Variants in PDE4B observed in about 807,000 individuals in gnomAD.
PDE4B encodes the protein phosphodiesterase 4B.
A neutral mutation model predicts 82.2 loss-of-function variants in PDE4B; 20 were observed. That is an observed-to-expected ratio of 0.24 (90% CI 0.17 to 0.35). The LOEUF (loss-of-function observed/expected upper bound fraction) is 0.35, where lower values mean the gene tolerates loss of function less well. PDE4B is among the 10% of genes least tolerant of loss of function. The pLI is 1.00. For synonymous variants in PDE4B, 320 were observed against 318.9 expected (o/e 1.00, Z -0.04); for missense variants, 655 against 907.2 (o/e 0.72, Z 3.57).
chr1:66,280,782 T>A (rs1166774265), intron 7 of PDE4B, among the ~76,000 whole-genome samples: 2 of 152,142 alleles, frequency 1.3e-5, no homozygotes, highest in African/African-American at 4.8e-5. Context: ...CGTATTCCTA[T>A]GTTTCCGGTA....
chr1:66,003,877 C>T (rs979054399), intron 3 of PDE4B, among the ~76,000 whole-genome samples: 2 of 152,078 alleles, frequency 1.3e-5, no homozygotes, highest in Admixed American at 6.6e-5. Context: ...TGGGATTAAC[C>T]CTGGCTGTTG....
chr1:66,173,959 A>G (rs960286496), intron 3 of PDE4B, among the ~76,000 whole-genome samples: 13 of 151,932 alleles, frequency 8.6e-5, no homozygotes, highest in African/African-American at 2.7e-4. Context: ...GCTAATTTTC[A>G]TATTTTTGGT....
upstream of PDE4B, among the ~76,000 whole-genome samples, chr1:65,792,781 G>A (rs886739779): frequency 6.6e-6 from 1 of 152,004 alleles, no homozygotes; most frequent in East Asian, 2.0e-4. Flanking sequence ...CGGTCACATT[G>A]TTATTCCCCG....
At chr1:66,280,295 A>C (rs1656201986) in intron 7 of PDE4B, among the ~76,000 whole-genome samples, 1 of 152,260 alleles carries the variant, frequency 6.6e-6, no homozygotes, top group African/African-American at 2.4e-5. Flanking sequence ...CACCTGTTAA[A>C]TATTGGTGGC....
intron 1 of PDE4B, among the ~76,000 whole-genome samples, chr1:65,876,595 T>G (rs1311750421): frequency 6.6e-6 from 1 of 152,160 alleles, no homozygotes; most frequent in Admixed American, 6.6e-5. Context: ...GTAAATTATT[T>G]AAATTATTGG....
intron 16 of PDE4B, among the ~76,000 whole-genome samples, chr1:66,370,492 A>T (rs1196770101): frequency 2.0e-5 from 3 of 152,180 alleles, no homozygotes; most frequent in Admixed American, 2.0e-4. Context: ...CAGCTCTCTC[A>T]TCCAAAGCTC....
intron 3 of PDE4B, among the ~76,000 whole-genome samples, chr1:66,019,846 GA>G: frequency 6.6e-6 from 1 of 152,188 alleles, no homozygotes; most frequent in African/African-American, 2.4e-5. Context: ...CCAGTTTGAG[GA>G]ACTAGTTGAG....
At chr1:65,969,291 A>G (rs780179550) in intron 3 of PDE4B, among the ~76,000 whole-genome samples, 1 of 152,164 alleles carries the variant, frequency 6.6e-6, no homozygotes, top group Non-Finnish European at 1.5e-5. Context: ...GAGCTCTGAG[A>G]GGGTCTCACT....
At chr1:65,857,048 C>T (rs1419297098) in intron 1 of PDE4B, among the ~76,000 whole-genome samples, 2 of 152,136 alleles carry the variant, frequency 1.3e-5, no homozygotes, top group Admixed American at 6.6e-5. Flanking sequence ...GTCCCATTTC[C>T]ATTACCATCA....
At chr1:66,066,743 A>G (rs1205815123) in intron 3 of PDE4B, among the ~76,000 whole-genome samples, 2 of 152,076 alleles carry the variant, frequency 1.3e-5, no homozygotes, top group South Asian at 2.1e-4. Flanking sequence ...TCCTGAAGGC[A>G]TAGCACATGA....
intron 3 of PDE4B, among the ~76,000 whole-genome samples, chr1:65,984,630 A>G (rs1305145762): frequency 7.9e-5 from 12 of 152,074 alleles, no homozygotes; most frequent in Non-Finnish European, 1.3e-4. Context: ...TGGTGGGCGC[A>G]TGTAGTCCCA....
At chr1:66,058,944 C>A (rs1655444108) in intron 3 of PDE4B, among the ~76,000 whole-genome samples, 1 of 152,220 alleles carries the variant, frequency 6.6e-6, no homozygotes, top group South Asian at 2.1e-4. Flanking sequence ...ATGGGATTTT[C>A]TTTTCTATCA....
chr1:66,041,799 T>TAC (rs376075112), intron 3 of PDE4B, among the ~76,000 whole-genome samples: 55,585 of 138,844 alleles, frequency 0.4, 10,315 homozygotes, highest in East Asian at 0.46. Context: ...TGCTTTGAAA[T>TAC]ACACACACAC....
rs955989976 is a variant in PDE4B at position 66,370,606 on chromosome 1, A to G, written c.1845+1637A>G. Among the ~76,000 whole-genome samples the G allele has an allele frequency of 3.3e-5, 5 of 152,334 alleles. No homozygotes were observed. In the South Asian group the frequency reaches 1.0e-3, roughly 32 times the overall value. On this transcript the variant is annotated intron_variant, in intron 16 of 16. Transcript: ENST00000341517. ...CTGCTGAACACTGTCTGATTGGCCC[A>G]GCAGTAAAGCTCTTTACTGGGTGCT... is the stretch of plus-strand genomic sequence containing the variant.
intron 3 of PDE4B, among the ~76,000 whole-genome samples, chr1:65,992,009 A>T (rs1342976018): frequency 6.6e-6 from 1 of 152,148 alleles, no homozygotes; most frequent in Admixed American, 6.5e-5. Context: ...TAAACAGAAG[A>T]ATGAGGGTAA....
intron 3 of PDE4B, among the ~76,000 whole-genome samples, chr1:66,209,714 T>C (rs1649870310): frequency 6.6e-6 from 1 of 152,248 alleles, no homozygotes; most frequent in African/African-American, 2.4e-5. Flanking sequence ...ACCATTGATC[T>C]GATTTCCATC....
At chr1:66,184,044 T>C (rs1201389955) in intron 3 of PDE4B, among the ~76,000 whole-genome samples, 1 of 152,056 alleles carries the variant, frequency 6.6e-6, no homozygotes, top group Non-Finnish European at 1.5e-5. Context: ...TGAGGGATGA[T>C]GGGAATGACA....
intron 3 of PDE4B, among the ~76,000 whole-genome samples, chr1:66,000,291 T>C (rs1280149825): frequency 6.6e-6 from 1 of 152,210 alleles, no homozygotes; most frequent in Non-Finnish European, 1.5e-5. Flanking sequence ...ATTTACATAG[T>C]GTACATTAGA....
At chr1:65,974,638 G>A (rs1650315890) in intron 3 of PDE4B, among the ~76,000 whole-genome samples, 1 of 152,190 alleles carries the variant, frequency 6.6e-6, no homozygotes, top group East Asian at 1.9e-4. Context: ...GGTGGGAGGT[G>A]AATGAATCAT....
Sources: allele counts gnomAD v4.1 joint callset (sites outside exome capture counted in the v4.1 genomes callset), GRCh38; gene constraint gnomAD v4.1.1; transcripts MANE v1.5; gene names NCBI Gene and HGNC (gene_info 2026-07-23, HGNC 2026-07-21).